C12orf42: variants seen among roughly 807,000 people sequenced by gnomAD.
The protein encoded by C12orf42 is uncharacterized protein C12orf42.
A neutral mutation model predicts 21.6 loss-of-function variants in C12orf42; 25 were observed. The observed-to-expected ratio is 1.16, with a 90% confidence interval of 0.84 to 1.62. The LOEUF (loss-of-function observed/expected upper bound fraction) is 1.62. Ranked by LOEUF, C12orf42 falls within the 40% of genes most tolerant of loss-of-function variation. The probability of loss-of-function intolerance (pLI) is 0.00; values close to 1 mark genes in which losing one functional copy is unlikely to be tolerated. For missense variants in C12orf42, 483 were observed against 459.3 expected, an observed-to-expected ratio of 1.05 and a Z score of -0.47; for synonymous variants, 174 against 175.0, an observed-to-expected ratio of 0.99 and a Z score of 0.05.
the C12orf42 span, among the ~76,000 whole-genome samples, chr12:103,117,410 C>T: frequency 3.3e-5 from 5 of 152,196 alleles, no homozygotes; most frequent in Non-Finnish European, 5.9e-5. Flanking sequence ...CATGAGAATT[C>T]CAAACTCTAC....
chr12:103,158,945 T>C, the C12orf42 span, among the ~76,000 whole-genome samples: 1 of 150,482 alleles, frequency 6.6e-6, no homozygotes, highest in Non-Finnish European at 1.5e-5. Flanking sequence ...TTACAATAAA[T>C]AAAATAAGGA....
At chr12:103,533,731 T>C in the C12orf42 span, among the ~76,000 whole-genome samples, 2 of 152,242 alleles carry the variant, frequency 1.3e-5, no homozygotes, top group Non-Finnish European at 2.9e-5. Flanking sequence ...CTACAAATTT[T>C]CAAATCACAG....
the C12orf42 span, among the ~76,000 whole-genome samples, chr12:103,188,493 G>A: frequency 2.0e-5 from 3 of 152,184 alleles, no homozygotes; most frequent in East Asian, 1.9e-4. Context: ...GATACTATGC[G>A]ATATGGTTTG....
the C12orf42 span, among the ~76,000 whole-genome samples, chr12:103,229,472 G>A: frequency 3.8e-5 from 5 of 130,550 alleles, no homozygotes; most frequent in Non-Finnish European, 6.5e-5. Flanking sequence ...AGCAGGGATC[G>A]TCAATTATAT....
At chr12:103,235,613 TGTAA>T (rs2033443678), downstream of C12orf42, among the ~76,000 whole-genome samples, 1 of 152,196 alleles carries the variant, frequency 6.6e-6, no homozygotes, top group African/African-American at 2.4e-5. Context: ...GTTACATGTA[TGTAA>T]GTAACTTCCC....
chr12:103,471,734 A>G (rs996090136), intron 2 of C12orf42, among the ~76,000 whole-genome samples: 23 of 152,362 alleles, frequency 1.5e-4, no homozygotes, highest in Admixed American at 5.2e-4. Context: ...CATCATGGCC[A>G]ATAAATACCC....
the C12orf42 span, among the ~76,000 whole-genome samples, chr12:103,123,064 T>C: frequency 6.6e-6 from 1 of 152,164 alleles, no homozygotes; most frequent in African/African-American, 2.4e-5. Context: ...TGGATATATT[T>C]AATTGGAAAT....
At chr12:103,485,457 T>TC (rs1473538778) in intron 1 of C12orf42, among the ~76,000 whole-genome samples, 1 of 152,244 alleles carries the variant, frequency 6.6e-6, no homozygotes, top group African/African-American at 2.4e-5. Flanking sequence ...CAATGTGGGC[T>TC]CTTTTTTAGT....
chr12:103,373,054 G>C (rs1159336284), intron 3 of C12orf42, among the ~76,000 whole-genome samples: 1 of 152,082 alleles, frequency 6.6e-6, no homozygotes, highest in African/African-American at 2.4e-5. Flanking sequence ...AGGGGAGATG[G>C]GTACTGATTC....
the C12orf42 span, among the ~76,000 whole-genome samples, chr12:103,228,502 T>C: frequency 1.1e-4 from 17 of 152,242 alleles, no homozygotes; most frequent in African/African-American, 3.1e-4. Flanking sequence ...TCTGGGCATA[T>C]ACGTGCAAGT....
chr12:103,472,352 C>A (rs1439322833), intron 2 of C12orf42, among the ~76,000 whole-genome samples: 2 of 152,094 alleles, frequency 1.3e-5, no homozygotes, highest in Non-Finnish European at 2.9e-5. Flanking sequence ...CCGCACCCAG[C>A]CACAACTCAA....
intron 3 of C12orf42, 77 bp downstream of exon 3, chr12:103,401,530 T>C (rs1270971657): frequency 8.5e-7 from 1 of 1,175,788 alleles, no homozygotes; most frequent in African/African-American, 1.5e-5. Flanking sequence ...GAAACAAATC[T>C]GCTTACATGT....
chr12:103,056,526 T>C, the C12orf42 span, among the ~76,000 whole-genome samples: 2 of 152,324 alleles, frequency 1.3e-5, no homozygotes, highest in South Asian at 4.1e-4. Flanking sequence ...TTTCTTTGCA[T>C]ATTTTCAGCT....
At chr12:103,503,075 G>A in the C12orf42 span, among the ~76,000 whole-genome samples, 14 of 152,118 alleles carry the variant, frequency 9.2e-5, no homozygotes, top group South Asian at 6.2e-4. Flanking sequence ...CAACTTCTTC[G>A]TAGAACAGTT....
At chr12:103,117,835 T>C in the C12orf42 span, among the ~76,000 whole-genome samples, 32 of 152,192 alleles carry the variant, frequency 2.1e-4, no homozygotes, top group African/African-American at 6.5e-4. Flanking sequence ...AATAACAACA[T>C]TGAAGTTTAA....
At chr12:103,278,507 G>A (rs1430110423) in intron 4 of C12orf42, among the ~76,000 whole-genome samples, 1 of 152,204 alleles carries the variant, frequency 6.6e-6, no homozygotes, top group Non-Finnish European at 1.5e-5. Flanking sequence ...GTGTTGAGGA[G>A]AGCTGTTGGG....
chr12:103,176,888 AT>A, the C12orf42 span, among the ~76,000 whole-genome samples: 1 of 152,194 alleles, frequency 6.6e-6, no homozygotes, highest in South Asian at 2.1e-4. Flanking sequence ...CATCACTTAC[AT>A]TTTAGTGGAA....
chr12:103,057,564 G>A, the C12orf42 span, among the ~76,000 whole-genome samples: 1 of 152,116 alleles, frequency 6.6e-6, no homozygotes, highest in African/African-American at 2.4e-5. Flanking sequence ...GTATTTCATG[G>A]TGTATATTTG....
At chr12:103,552,270 C>T in the C12orf42 span, among the ~76,000 whole-genome samples, 3 of 152,298 alleles carry the variant, frequency 2.0e-5, no homozygotes, top group African/African-American at 7.2e-5. Context: ...CAGCTTTGCT[C>T]TGTAACCTCA....
Sources: gnomAD v4.1 joint callset for allele counts (sites outside exome capture counted in the v4.1 genomes callset) on GRCh38, gnomAD v4.1.1 for gene constraint, MANE v1.5 for transcripts, NCBI Gene and HGNC (gene_info 2026-07-23, HGNC 2026-07-21) for gene names.